The following TUSC3 variants were observed in gnomAD, a reference collection of about 807,000 sequenced individuals.
TUSC3 encodes dolichyl-diphosphooligosaccharide--protein glycosyltransferase subunit TUSC3.
A neutral mutation model predicts 44.8 loss-of-function variants in TUSC3; 45 were observed. That is an observed-to-expected ratio of 1.00 (90% CI 0.79 to 1.29). The LOEUF (loss-of-function observed/expected upper bound fraction) is 1.29. Ranked by LOEUF, TUSC3 falls within the 50% of genes most tolerant of loss-of-function variation. The pLI, the probability that TUSC3 is intolerant of heterozygous loss-of-function variation, is 0.00. For synonymous variants in TUSC3, 212 were observed against 152.9 expected (o/e 1.39, Z -2.85); for missense variants, 519 against 437.9 (o/e 1.19, Z -1.65).
the TUSC3 span, among the ~76,000 whole-genome samples, chr8:15,832,363 T>C: frequency 1.3e-5 from 2 of 152,028 alleles, no homozygotes; most frequent in Non-Finnish European, 2.9e-5. Context: ...ACACTACACA[T>C]CAGCCACACA....
At chr8:15,827,310 G>C in the TUSC3 span, among the ~76,000 whole-genome samples, 2 of 152,150 alleles carry the variant, frequency 1.3e-5, no homozygotes, top group Non-Finnish European at 2.9e-5. Flanking sequence ...AACGGCTGAA[G>C]ACATTAAAAA....
intron 6 of TUSC3, among the ~76,000 whole-genome samples, chr8:15,688,067 C>T (rs1011702467): frequency 6.6e-6 from 1 of 151,814 alleles, no homozygotes; most frequent in Non-Finnish European, 1.5e-5. Context: ...GATAAACTAC[C>T]TGTTAACTTT....
chr8:15,454,071 A>G (rs1004972327), intron 1 of TUSC3, among the ~76,000 whole-genome samples: 2 of 152,176 alleles, frequency 1.3e-5, no homozygotes, highest in African/African-American at 4.8e-5. Context: ...TAAATGCACT[A>G]TGCATGCTCC....
At chr8:15,608,997 A>G (rs1804649919) in intron 1 of TUSC3, among the ~76,000 whole-genome samples, 1 of 152,166 alleles carries the variant, frequency 6.6e-6, no homozygotes, top group South Asian at 2.1e-4. Flanking sequence ...TTGATGAAAA[A>G]CAAGCGTTGG....
chr8:15,561,975 A>G (rs1458519470), intron 1 of TUSC3, among the ~76,000 whole-genome samples: 2 of 152,190 alleles, frequency 1.3e-5, no homozygotes, highest in African/African-American at 4.8e-5. Context: ...TGCGTTGCTC[A>G]GGCTGGGAGC....
downstream of TUSC3, among the ~76,000 whole-genome samples, chr8:15,768,623 A>G (rs1038286444): frequency 2.0e-5 from 3 of 152,144 alleles, no homozygotes; most frequent in Admixed American, 6.5e-5. Context: ...TAAAAATTAT[A>G]AAAAGGATAG....
intron 1 of TUSC3, among the ~76,000 whole-genome samples, chr8:15,424,386 A>G (rs550681485): frequency 1.3e-5 from 2 of 152,222 alleles, no homozygotes; most frequent in East Asian, 1.9e-4. Flanking sequence ...AAAATAGGAC[A>G]TGACTAACAA....
At chr8:15,840,367 A>T in the TUSC3 span, among the ~76,000 whole-genome samples, 1 of 152,300 alleles carries the variant, frequency 6.6e-6, no homozygotes, top group African/African-American at 2.4e-5. Context: ...CCTAGAACTT[A>T]AAGTATAATT....
At chr8:15,791,229 G>A in the TUSC3 span, among the ~76,000 whole-genome samples, 18 of 151,808 alleles carry the variant, frequency 1.2e-4, no homozygotes, top group African/African-American at 2.9e-4. Flanking sequence ...AAGAACCAAA[G>A]GCAAAGATAA....
intron 1 of TUSC3, among the ~76,000 whole-genome samples, chr8:15,435,298 AT>A (rs1173015531): frequency 6.6e-6 from 1 of 152,008 alleles, no homozygotes; most frequent in East Asian, 1.9e-4. Flanking sequence ...GATGATGAGC[AT>A]TTTTTCATGT....
At chr8:15,845,733 C>T in the TUSC3 span, among the ~76,000 whole-genome samples, 1 of 152,234 alleles carries the variant, frequency 6.6e-6, no homozygotes, top group South Asian at 2.1e-4. Flanking sequence ...ACAATAGCCA[C>T]AAGCCCTCTA....
chr8:15,807,779 G>T, the TUSC3 span, among the ~76,000 whole-genome samples: 6 of 152,130 alleles, frequency 3.9e-5, no homozygotes, highest in African/African-American at 1.4e-4. Context: ...AACAAATACT[G>T]CATGTTCTCA....
intron 2 of TUSC3, among the ~76,000 whole-genome samples, chr8:15,505,977 A>G (rs761405766): frequency 8.5e-5 from 13 of 152,248 alleles, no homozygotes; most frequent in Non-Finnish European, 1.2e-4. Flanking sequence ...TTAAAAATCT[A>G]TTTTACTGAC....
At chr8:15,654,911 A>G (rs1807085699) in intron 3 of TUSC3, among the ~76,000 whole-genome samples, 2 of 152,206 alleles carry the variant, frequency 1.3e-5, no homozygotes, top group Non-Finnish European at 2.9e-5. Context: ...TTCATCTTCC[A>G]TCTTTACTTC....
chr8:15,844,924 A>G, the TUSC3 span, among the ~76,000 whole-genome samples: 145,529 of 152,204 alleles, frequency 0.96, 69,612 homozygotes, highest in Non-Finnish European at 0.96. Context: ...GTCTTAAAAT[A>G]TTTTCTACCA....
In TUSC3 at chr8:15,617,968, TACTCTACTA is replaced by T. The variant is rs1305764340; in HGVS notation, c.139-5110_139-5102del. On this transcript the variant is annotated intron_variant, in intron 1 of 10. Transcript: ENST00000503731. ...TAGGGTACAAAGCTGTACACAATAG[TACTCTACTA>T]AATATTGTAGGCAGTCGTAACACAA... Among the ~76,000 whole-genome samples, 5 of 152,344 alleles carry T rather than the reference TACTCTACTA, an allele frequency of 3.3e-5. No individual in the cohort carries two copies. The East Asian group carries it at 7.7e-4, about 23-fold the overall frequency.
intron 1 of TUSC3, among the ~76,000 whole-genome samples, chr8:15,609,464 A>T (rs1224814165): frequency 6.6e-6 from 1 of 152,268 alleles, no homozygotes; most frequent in African/African-American, 2.4e-5. Flanking sequence ...CTCATTTCTT[A>T]TATCTGGTAC....
chr8:15,805,527 G>T, the TUSC3 span, among the ~76,000 whole-genome samples: 7 of 152,030 alleles, frequency 4.6e-5, no homozygotes, highest in Non-Finnish European at 1.0e-4. Flanking sequence ...TTTGTTGATG[G>T]TTTATTATGA....
intron 2 of TUSC3, among the ~76,000 whole-genome samples, chr8:15,491,233 G>A (rs1216216026): frequency 6.6e-6 from 1 of 152,148 alleles, no homozygotes; most frequent in Non-Finnish European, 1.5e-5. Flanking sequence ...GTACCTATGA[G>A]GATAAGCTAT....
Sources: allele counts gnomAD v4.1 joint callset (sites outside exome capture counted in the v4.1 genomes callset), GRCh38; gene constraint gnomAD v4.1.1; transcripts MANE v1.5; gene names NCBI Gene and HGNC (gene_info 2026-07-23, HGNC 2026-07-21).